The following CDKAL1 variants were observed in gnomAD, a reference collection of about 807,000 sequenced individuals.
CDKAL1 encodes the protein threonylcarbamoyladenosine tRNA methylthiotransferase.
Under a neutral mutation model 68.2 loss-of-function variants are expected in CDKAL1, and 32 were observed. That is an observed-to-expected ratio of 0.47 (90% CI 0.35 to 0.63). The LOEUF is 0.63. Ranked by LOEUF, CDKAL1 falls within the 30% of genes least tolerant of loss-of-function variation. CDKAL1 has a pLI of 0.00. For synonymous variants in CDKAL1, 234 were observed against 244.3 expected, an observed-to-expected ratio of 0.96 and a Z score of 0.39; for missense variants, 606 against 696.7, an observed-to-expected ratio of 0.87 and a Z score of 1.47.
chr6:21,216,503 C>A (rs10946437), intron 15 of CDKAL1, among the ~76,000 whole-genome samples: 1 of 151,786 alleles, frequency 6.6e-6, no homozygotes, highest in East Asian at 1.9e-4. Context: ...TATTAGCAAC[C>A]AAGTGGCTGT....
At chr6:20,996,349 G>A (rs1001349492) in intron 10 of CDKAL1, among the ~76,000 whole-genome samples, 13 of 152,152 alleles carry the variant, frequency 8.5e-5, no homozygotes, top group Non-Finnish European at 1.9e-4. Flanking sequence ...AGCTTTTAAC[G>A]TGTCTCAGCT....
chr6:20,678,618 T>C (rs1378512861), intron 5 of CDKAL1, among the ~76,000 whole-genome samples: 1 of 152,204 alleles, frequency 6.6e-6, no homozygotes, highest in Non-Finnish European at 1.5e-5. Flanking sequence ...TAACCTATGG[T>C]AAATTGTTTC....
intron 5 of CDKAL1, among the ~76,000 whole-genome samples, chr6:20,722,031 C>T (rs532813730): frequency 3.9e-4 from 60 of 152,002 alleles, no homozygotes; most frequent in Middle Eastern, 3.4e-3. Context: ...GTGCCTGGCC[C>T]GATTTTGTTA....
chr6:20,601,276 A>G (rs965980024), intron 4 of CDKAL1, among the ~76,000 whole-genome samples: 2 of 152,176 alleles, frequency 1.3e-5, no homozygotes, highest in Admixed American at 1.3e-4. Context: ...ATCCAATGTC[A>G]TTGATTACTG....
intron 13 of CDKAL1, among the ~76,000 whole-genome samples, chr6:21,114,419 T>C (rs1341348100): frequency 6.6e-6 from 1 of 151,614 alleles, no homozygotes; most frequent in Non-Finnish European, 1.5e-5. Context: ...GAGATTTTTA[T>C]TATATTTTTG....
At chr6:20,702,472 TTTAA>T (rs1196213234) in intron 5 of CDKAL1, among the ~76,000 whole-genome samples, 3 of 151,860 alleles carry the variant, frequency 2.0e-5, no homozygotes, top group Non-Finnish European at 2.9e-5. Flanking sequence ...GAGTGCAAGG[TTTAA>T]TTGAGTGGAA....
At chr6:20,703,125 G>T (rs184479887) in intron 5 of CDKAL1, among the ~76,000 whole-genome samples, 1 of 152,308 alleles carries the variant, frequency 6.6e-6, no homozygotes, top group East Asian at 1.9e-4. Flanking sequence ...CTTTTGGCAC[G>T]TAGCTTCCTC....
At chr6:20,985,313 G>A (rs1005121057) in intron 10 of CDKAL1, among the ~76,000 whole-genome samples, 1 of 152,074 alleles carries the variant, frequency 6.6e-6, no homozygotes, top group Non-Finnish European at 1.5e-5. Context: ...GTTTTGTTGA[G>A]ACAGAGTTTC....
chr6:21,161,900 G>C (rs1776943634), intron 13 of CDKAL1, among the ~76,000 whole-genome samples: 1 of 152,166 alleles, frequency 6.6e-6, no homozygotes, highest in African/African-American at 2.4e-5. Flanking sequence ...TTAAACTGTG[G>C]TGCAAAGGAA....
At chr6:20,923,737 G>A (rs1380220269) in intron 9 of CDKAL1, among the ~76,000 whole-genome samples, 1 of 152,226 alleles carries the variant, frequency 6.6e-6, no homozygotes, top group African/African-American at 2.4e-5. Flanking sequence ...AAATGGGCAG[G>A]CATGGCGGCA....
At chr6:21,182,931 TA>T (rs1232193383) in intron 13 of CDKAL1, among the ~76,000 whole-genome samples, 1 of 152,144 alleles carries the variant, frequency 6.6e-6, no homozygotes, top group African/African-American at 2.4e-5. Flanking sequence ...TAAGCAAGCT[TA>T]AAAAAATCAT....
At chr6:21,042,159 A>T (rs1769964441) in intron 11 of CDKAL1, among the ~76,000 whole-genome samples, 1 of 152,110 alleles carries the variant, frequency 6.6e-6, no homozygotes, top group Non-Finnish European at 1.5e-5. Context: ...ATCCATTTTG[A>T]GTCTGCTGCA....
At chr6:20,835,629 C>T (rs959313421) in intron 8 of CDKAL1, among the ~76,000 whole-genome samples, 1 of 152,028 alleles carries the variant, frequency 6.6e-6, no homozygotes, top group Admixed American at 6.6e-5. Context: ...TTTGCTGCAA[C>T]CTCTGCCTCC....
At chr6:21,101,030 T>G (rs1773551450) in intron 12 of CDKAL1, among the ~76,000 whole-genome samples, 1 of 152,220 alleles carries the variant, frequency 6.6e-6, no homozygotes, top group Admixed American at 6.5e-5. Flanking sequence ...CAGGTTGTAC[T>G]GCAGCCACAG....
intron 11 of CDKAL1, among the ~76,000 whole-genome samples, chr6:21,024,381 C>T (rs1296470382): frequency 6.6e-6 from 1 of 152,062 alleles, no homozygotes; most frequent in Non-Finnish European, 1.5e-5. Context: ...GGCATGGTGG[C>T]TCACACCTGT....
chr6:20,640,254 T>C (rs1002348965), intron 4 of CDKAL1, among the ~76,000 whole-genome samples: 2 of 152,270 alleles, frequency 1.3e-5, no homozygotes, highest in Admixed American at 6.5e-5. Flanking sequence ...TTTTTATTTG[T>C]ATCAACCTCC....
chr6:20,673,920 C>T (rs557967525), intron 5 of CDKAL1, among the ~76,000 whole-genome samples: 54 of 152,194 alleles, frequency 3.5e-4, no homozygotes, highest in Non-Finnish European at 6.5e-4. Flanking sequence ...GACTAATACA[C>T]GATGGATACA....
chr6:20,776,332 C>G (rs1447915497), intron 7 of CDKAL1, among the ~76,000 whole-genome samples: 2 of 152,176 alleles, frequency 1.3e-5, no homozygotes, highest in Non-Finnish European at 2.9e-5. Flanking sequence ...TTTAACTTAT[C>G]TTGAAAATCT....
In CDKAL1 at chr6:20,624,381, C is replaced by T. The variant is rs1279465640; in HGVS notation, c.287-24912C>T. Among the ~76,000 whole-genome samples, 6 of 151,716 alleles carry T rather than the reference C, an allele frequency of 4.0e-5. 1 individual carries two copies. The South Asian group carries it at 6.2e-4, about 16-fold the overall frequency. ...ATGCATTCGATTTTTAAGTTTTTTC[C>T]CCCCTTTCTGTGCTGTCTTTTTTTC... is the stretch of plus-strand genomic sequence containing the variant. On this transcript the variant is annotated intron_variant, in intron 4 of 15. Coordinates refer to ENST00000274695, the MANE Select transcript of CDKAL1 (RefSeq NM_017774.3).
Sources: gnomAD v4.1 joint callset for allele counts (sites outside exome capture counted in the v4.1 genomes callset) on GRCh38, gnomAD v4.1.1 for gene constraint, MANE v1.5 for transcripts, NCBI Gene and HGNC (gene_info 2026-07-23, HGNC 2026-07-21) for gene names.